The following WDFY3 variants were observed in gnomAD, a reference collection of about 807,000 sequenced individuals.
WDFY3 encodes the protein WD repeat and FYVE domain-containing protein 3.
Under a neutral mutation model 409.6 loss-of-function variants are expected in WDFY3, and 66 were observed. That is an observed-to-expected ratio of 0.16 (90% CI 0.13 to 0.20). The LOEUF is 0.20. Ranked by LOEUF, WDFY3 falls within the 10% of genes least tolerant of loss-of-function variation. The pLI is 1.00. For synonymous variants in WDFY3, 1,521 were observed against 1,537.1 expected, an observed-to-expected ratio of 0.99 and a Z score of 0.25; for missense variants, 3,031 against 4,298.1, an observed-to-expected ratio of 0.71 and a Z score of 8.24.
At chr4:84,941,341 C>T (rs930682428) in intron 1 of WDFY3, among the ~76,000 whole-genome samples, 1 of 151,792 alleles carries the variant, frequency 6.6e-6, no homozygotes, top group Non-Finnish European at 1.5e-5. Flanking sequence ...AATGAAACAA[C>T]TAAAAGTTAT....
intron 21 of WDFY3, among the ~76,000 whole-genome samples, chr4:84,794,029 T>G (rs1292123215): frequency 1.3e-5 from 2 of 152,206 alleles, no homozygotes; most frequent in East Asian, 3.8e-4. Flanking sequence ...GGAGTTCTAC[T>G]GTACAGCACT....
intron 67 of WDFY3, among the ~76,000 whole-genome samples, chr4:84,676,451 T>A (rs1186039180): frequency 6.6e-6 from 1 of 152,074 alleles, no homozygotes; most frequent in Non-Finnish European, 1.5e-5. Context: ...TTTTGAAGAG[T>A]AATTTGGCAA....
intron 52 of WDFY3, 106 bp from the exon 53 acceptor site, chr4:84,709,134 AG>A: frequency 6.7e-7 from 1 of 1,483,762 alleles, no homozygotes; most frequent in Non-Finnish European, 9.1e-7. Flanking sequence ...TCTTTTTAAC[AG>A]ATTTCAGAAC....
At chr4:84,830,288 G>A (rs1198859800) in intron 8 of WDFY3, among the ~76,000 whole-genome samples, 2 of 152,156 alleles carry the variant, frequency 1.3e-5, no homozygotes, top group Middle Eastern at 3.2e-3. Context: ...AATAGAAACT[G>A]TACTTTATGT....
intron 1 of WDFY3, among the ~76,000 whole-genome samples, chr4:84,955,549 C>CT (rs1774139905): frequency 6.6e-6 from 1 of 152,038 alleles, no homozygotes; most frequent in Non-Finnish European, 1.5e-5. Context: ...AATAAGGTCA[C>CT]TATGCTTTTA....
At chr4:84,887,006 TAA>T (rs35581033) in intron 3 of WDFY3, among the ~76,000 whole-genome samples, 14,981 of 152,190 alleles carry the variant, frequency 0.098, 1,196 homozygotes, top group African/African-American at 0.21. Context: ...TAATAATGTA[TAA>T]AACATCAACC....
At chr4:84,714,080 C>T (rs919643856) in intron 50 of WDFY3, among the ~76,000 whole-genome samples, 1 of 151,676 alleles carries the variant, frequency 6.6e-6, no homozygotes, top group African/African-American at 2.4e-5. Context: ...TGCGCCACTG[C>T]ACTCCAGCCT....
intron 58 of WDFY3, among the ~76,000 whole-genome samples, chr4:84,693,986 A>G (rs1729693731): frequency 6.6e-6 from 1 of 152,148 alleles, no homozygotes; most frequent in Non-Finnish European, 1.5e-5. Flanking sequence ...CTGTTGGAAA[A>G]CTAGTATTTG....
intron 1 of WDFY3, among the ~76,000 whole-genome samples, chr4:84,949,074 T>C (rs773052651): frequency 2.6e-5 from 4 of 152,150 alleles, no homozygotes; most frequent in Non-Finnish European, 4.4e-5. Flanking sequence ...TAAGGTTAGA[T>C]TGACCTTAAC....
At chr4:84,725,984 A>G (rs941337940) in intron 45 of WDFY3, among the ~76,000 whole-genome samples, 1 of 152,200 alleles carries the variant, frequency 6.6e-6, no homozygotes, top group South Asian at 2.1e-4. Flanking sequence ...TTGACATAGC[A>G]AAGTATTAAA....
chr4:84,757,087 C>G lies in WDFY3; in HGVS notation c.5263G>C (p.Gly1755Arg), dbSNP rs1741593599. 1 of 1,613,870 alleles carries G rather than the reference C, an allele frequency of 6.2e-7. No homozygotes were observed. The highest frequency in any genetic ancestry group is 1.1e-5 in the South Asian group (1 of 91,084). The change falls in exon 33 of 68, where the codon GGT becomes CGT. Residue 1755 changes from glycine to arginine, a missense_variant. By Grantham distance (125) the Gly-to-Arg change is moderately radical (BLOSUM62 -2). Coordinates refer to ENST00000295888, the MANE Select transcript of WDFY3 (RefSeq NM_014991.6). ...AGGAATGACTGAAGGACTGGAAAAC[C>G]AGGAAAATGACAAGCATCTCGGTTA... ...EINRDACHFP[G>R]FPVLQSFLPK...
Position 84,684,189 on chromosome 4 carries a change from G to A in WDFY3, c.9544-64C>T, listed in dbSNP as rs987973248. On this transcript the variant is annotated intron_variant, in intron 62 of 67. Coordinates refer to ENST00000295888, the MANE Select transcript of WDFY3 (RefSeq NM_014991.6). ...TTCCAATTACCTTCTGGTTTCTGAA[G>A]CAAATTGAATCCCTGGCCTAGTTCT... The A allele has an allele frequency of 1.6e-5, 23 of 1,427,882 alleles. No homozygotes were observed. In the African/African-American group the frequency reaches 2.6e-4, roughly 16 times the overall value. 88.5% of individuals were successfully genotyped at this position (1,427,882 alleles called of 1,614,324 possible).
chr4:84,682,523 C>T (rs1044026052), intron 63 of WDFY3, 53 bp from the exon 64 acceptor site: 28 of 1,369,310 alleles, frequency 2.0e-5, no homozygotes, highest in Non-Finnish European at 2.9e-5. Flanking sequence ...ATTAAGGAAC[C>T]AATTTACATT....
At position 84,820,141 on chromosome 4, in the gene WDFY3, G is replaced by T; in HGVS notation, c.1637C>A (p.Ala546Asp). The T allele has an allele frequency of 6.2e-7, 1 of 1,608,178 alleles. No individual in the cohort carries two copies. The highest frequency in any genetic ancestry group is 8.5e-7 in the Non-Finnish European group (1 of 1,176,516). ...NSSVEDQKHL[A>D]LLVMETLTVL... The stretch of plus-strand genomic sequence containing the variant: ...TGTCAAGGTCTCCATAACCAATAAA[G>T]CCAGGTGTTTTTGGTCTTCAACTGA... Residue 546 changes from alanine to aspartate, a missense_variant, in exon 12 of 68, where the codon GCT becomes GAT. Physicochemically the swap from Ala to Asp is moderately radical, Grantham distance 126. Around this residue, in one of 16 missense-constraint regions of WDFY3, gnomAD observed 1,322 missense variants for 1,697.9 expected, o/e 0.78. Transcript: ENST00000295888.
In WDFY3 at chr4:84,691,705, G is replaced by T; in HGVS notation, c.9130C>A (p.Pro3044Thr). 6.2e-7 allele frequency: 1 copy of T among 1,614,126 alleles called. No homozygotes were observed. The highest frequency in any genetic ancestry group is 8.5e-7 in the Non-Finnish European group (1 of 1,180,014). The change falls in exon 60 of 68, where the codon CCA (proline) becomes ACA (threonine). Residue 3044 changes from proline (P) to threonine (T), a missense_variant. Coordinates refer to ENST00000295888, the MANE Select transcript of WDFY3 (RefSeq NM_014991.6). ...CAAGCAAAAGTTTTATTCCAGGTTG[G>T]TGGGATAAGAACCTTATTCTGTTCC... Reference protein sequence around the residue: ...AVEQNKVLIPPTWNKTFAWGY... With the variant: ...AVEQNKVLIPTTWNKTFAWGY...
intron 56 of WDFY3, among the ~76,000 whole-genome samples, chr4:84,701,168 T>C (rs1156241936): frequency 1.3e-5 from 2 of 152,220 alleles, no homozygotes; most frequent in Non-Finnish European, 2.9e-5. Context: ...TATTTGTTGA[T>C]TGTTCTCGTT....
intron 5 of WDFY3, among the ~76,000 whole-genome samples, chr4:84,849,107 C>T (rs773772435): frequency 1.3e-5 from 2 of 152,020 alleles, no homozygotes; most frequent in Non-Finnish European, 2.9e-5. Flanking sequence ...GGAAAATATG[C>T]TTTACCAAAA....
intron 3 of WDFY3, among the ~76,000 whole-genome samples, chr4:84,863,626 C>A (rs1447993000): frequency 6.6e-6 from 1 of 152,136 alleles, no homozygotes; most frequent in Non-Finnish European, 1.5e-5. Context: ...ATTACCTACA[C>A]CAATATCATG....
At chr4:84,720,352 A>G (rs1734650414) in intron 47 of WDFY3, among the ~76,000 whole-genome samples, 1 of 152,216 alleles carries the variant, frequency 6.6e-6, no homozygotes, top group Non-Finnish European at 1.5e-5. Flanking sequence ...GATAAATGGG[A>G]TTATAACACA....
Sources: allele counts gnomAD v4.1 joint callset (sites outside exome capture counted in the v4.1 genomes callset), GRCh38; gene constraint gnomAD v4.1.1; regional missense constraint gnomAD v4.1.1; transcripts MANE v1.5; gene names NCBI Gene and HGNC (gene_info 2026-07-23, HGNC 2026-07-21).